PRMT3: variants seen among roughly 807,000 people sequenced by gnomAD.
The protein encoded by PRMT3 is protein arginine N-methyltransferase 3.
PRMT3 carries 62 observed loss-of-function variants against 71.9 expected under a neutral mutation model. The ratio of observed to expected loss-of-function variants is 0.86; its 90% CI spans 0.70 to 1.07. The LOEUF (loss-of-function observed/expected upper bound fraction) is 1.07. Ranked by LOEUF, PRMT3 falls within the 50% of genes least tolerant of loss-of-function variation. The probability of loss-of-function intolerance (pLI) is 0.00; values close to 1 mark genes in which losing one functional copy is unlikely to be tolerated. For synonymous variants in PRMT3, 213 were observed against 220.4 expected, an observed-to-expected ratio of 0.97 and a Z score of 0.30; for missense variants, 663 against 643.0, an observed-to-expected ratio of 1.03 and a Z score of -0.34.
At chr11:20,394,613 C>T (rs574478248) in intron 5 of PRMT3, among the ~76,000 whole-genome samples, 2 of 152,216 alleles carry the variant, frequency 1.3e-5, no homozygotes, top group South Asian at 2.1e-4. Context: ...GTGGTGAGAA[C>T]AGTTAAGATC....
At chr11:20,427,540 C>T (rs963471907) in intron 10 of PRMT3, among the ~76,000 whole-genome samples, 3 of 151,862 alleles carry the variant, frequency 2.0e-5, no homozygotes, top group Non-Finnish European at 2.9e-5. Flanking sequence ...GCCTGGCCAA[C>T]GTGATGAAAC....
Position 20,392,999 on chromosome 11 carries a change from G to A in PRMT3, c.400G>A (p.Asp134Asn). 6.4e-7 allele frequency: 1 copy of A among 1,564,950 alleles called. No individual in the cohort carries two copies. The highest frequency in any genetic ancestry group is 8.8e-7 in the Non-Finnish European group (1 of 1,135,738). Residue 134 changes from aspartate to asparagine, a missense_variant and splice_region_variant, in exon 5 of 16, where the codon GAT becomes AAT. Coordinates refer to ENST00000331079, the MANE Select transcript of PRMT3 (RefSeq NM_005788.4). ...VLEDDLLLQFDVEDLYEPVSV... is the reference protein window; with the variant it reads ...VLEDDLLLQFNVEDLYEPVSV... ...AGAAGATGACCTTTTACTTCAATTT[G>A]GTAAGATGAACATAAGTGTATCTCC...
At chr11:20,409,656 C>CAG (rs1342367783) in intron 9 of PRMT3, among the ~76,000 whole-genome samples, 2 of 96,978 alleles carry the variant, frequency 2.1e-5, no homozygotes, top group African/African-American at 6.8e-5. Flanking sequence ...AATACACAAA[C>CAG]ACACACACAC....
chr11:20,419,927 T>C (rs755062501), intron 9 of PRMT3, among the ~76,000 whole-genome samples: 33 of 152,158 alleles, frequency 2.2e-4, no homozygotes, highest in Non-Finnish European at 4.4e-4. Flanking sequence ...ATTCCAATAC[T>C]TTGGGAGGTC....
chr11:20,450,221 GT>G (rs771205176), intron 10 of PRMT3, among the ~76,000 whole-genome samples: 2 of 152,056 alleles, frequency 1.3e-5, no homozygotes, highest in Non-Finnish European at 2.9e-5. Context: ...TTTATTTTCA[GT>G]TTTGAAACAC....
intron 10 of PRMT3, among the ~76,000 whole-genome samples, chr11:20,437,425 G>C (rs1211267663): frequency 6.6e-6 from 1 of 152,150 alleles, no homozygotes; most frequent in African/African-American, 2.4e-5. Context: ...CAAAGGGAAA[G>C]ATTAGTGTTC....
chr11:20,391,509 CTGGGG>C (rs1848714836), intron 3 of PRMT3, among the ~76,000 whole-genome samples: 1 of 152,140 alleles, frequency 6.6e-6, no homozygotes. Context: ...TCCCAAAGTG[CTGGGG>C]TTACAGGCAT....
At chr11:20,404,703 A>G (rs902560015) in intron 8 of PRMT3, among the ~76,000 whole-genome samples, 1 of 152,206 alleles carries the variant, frequency 6.6e-6, no homozygotes, top group African/African-American at 2.4e-5. Flanking sequence ...TATGTTATAT[A>G]GAGATGAAAC....
At chr11:20,448,923 C>T (rs1316543107) in intron 10 of PRMT3, among the ~76,000 whole-genome samples, 2 of 152,134 alleles carry the variant, frequency 1.3e-5, no homozygotes, top group Non-Finnish European at 1.5e-5. Context: ...GGCACCCCTA[C>T]AGGTGAGGCA....
At chr11:20,391,937 G>A (rs1293098181) in intron 3 of PRMT3, among the ~76,000 whole-genome samples, 1 of 152,080 alleles carries the variant, frequency 6.6e-6, no homozygotes, top group African/African-American at 2.4e-5. Context: ...GATTTGTATT[G>A]TTCTGACAAA....
chr11:20,398,396 A>G (rs1471056233), intron 7 of PRMT3, among the ~76,000 whole-genome samples: 1 of 152,142 alleles, frequency 6.6e-6, no homozygotes, highest in Non-Finnish European at 1.5e-5. Flanking sequence ...ACTGCATGCT[A>G]GTGTTTTGGT....
chr11:20,421,151 A>G (rs1207677312), intron 9 of PRMT3, among the ~76,000 whole-genome samples: 1 of 151,950 alleles, frequency 6.6e-6, no homozygotes, highest in Non-Finnish European at 1.5e-5. Context: ...TGATCCTCCT[A>G]CCTTGCTTCT....
At chr11:20,483,554 CAAAAAAAA>C (rs10583759) in intron 13 of PRMT3, among the ~76,000 whole-genome samples, 2 of 135,798 alleles carry the variant, frequency 1.5e-5, no homozygotes, top group African/African-American at 5.3e-5. Context: ...CAGAGATTGC[CAAAAAAAA>C]AAAAAAAAAA....
intron 13 of PRMT3, among the ~76,000 whole-genome samples, chr11:20,473,030 A>G (rs1034591441): frequency 3.3e-5 from 5 of 152,118 alleles, no homozygotes; most frequent in East Asian, 3.9e-4. Context: ...TAGTTTATAT[A>G]CAGGTTTTTA....
At chr11:20,502,334 G>GTATTT (rs1446944152) in intron 15 of PRMT3, among the ~76,000 whole-genome samples, 8 of 152,308 alleles carry the variant, frequency 5.3e-5, no homozygotes, top group East Asian at 3.9e-4. Context: ...TGTGAATTAT[G>GTATTT]TATTTATTAC....
intron 10 of PRMT3, among the ~76,000 whole-genome samples, chr11:20,445,841 T>A (rs1002996761): frequency 5.3e-5 from 8 of 152,206 alleles, no homozygotes; most frequent in African/African-American, 1.9e-4. Context: ...TTTTTCTTTT[T>A]AAAATGTGTT....
intron 15 of PRMT3, among the ~76,000 whole-genome samples, chr11:20,499,350 G>A (rs1185825179): frequency 6.6e-6 from 1 of 152,182 alleles, no homozygotes; most frequent in Non-Finnish European, 1.5e-5. Context: ...GGCCAGGCGT[G>A]GTGGTTCATG....
rs1344672856 is a variant in PRMT3 at position 20,387,915 on chromosome 11, C to T, written c.29-104C>T. The T allele has an allele frequency of 6.4e-7, 1 of 1,573,374 alleles. No individual in the cohort carries two copies. The highest frequency in any genetic ancestry group is 8.6e-7 in the Non-Finnish European group (1 of 1,158,582). ...TCATGAAGGAGGTGCTGAGTGAGGG[C>T]CGCGGGCGAACGGGGCGGAGGAGAG... On this transcript the variant is annotated intron_variant, in intron 1 of 15. Transcript: ENST00000331079. The surrounding 1 kb of genome is among the most constrained non-coding windows in gnomAD (Gnocchi z 4.3).
chr11:20,401,378 T>G (rs532650207), intron 7 of PRMT3, among the ~76,000 whole-genome samples: 69 of 152,302 alleles, frequency 4.5e-4, no homozygotes, highest in Admixed American at 7.2e-4. Context: ...TTAGTTAATA[T>G]ATATACATTT....
Sources: gnomAD v4.1 joint callset for allele counts (sites outside exome capture counted in the v4.1 genomes callset) on GRCh38, gnomAD v4.1.1 for gene constraint, Gnocchi (gnomAD v3.1) non-coding constraint, MANE v1.5 for transcripts, NCBI Gene and HGNC (gene_info 2026-07-23, HGNC 2026-07-21) for gene names.